Variants in SFSWAP observed in about 807,000 individuals in gnomAD.
SFSWAP encodes the protein splicing factor SWAP.
A neutral mutation model predicts 100.7 loss-of-function variants in SFSWAP; 17 were observed. That is an observed-to-expected ratio of 0.17 (90% CI 0.12 to 0.25). The LOEUF is 0.25. Ranked by LOEUF, SFSWAP falls within the 10% of genes least tolerant of loss-of-function variation. The probability of loss-of-function intolerance (pLI) is 1.00; values close to 1 mark genes in which losing one functional copy is unlikely to be tolerated. For synonymous variants in SFSWAP, 504 were observed against 510.1 expected (o/e 0.99, Z 0.16); for missense variants, 1,005 against 1,262.6 (o/e 0.80, Z 3.09).
rs1222968105 is a variant in SFSWAP at position 131,784,397 on chromosome 12, T to C, written c.2409-2066T>C. The stretch of plus-strand genomic sequence containing the variant: ...AGAGACGTGAATGGAGGAAGTGGAG[T>C]AGATGAAATGGTTAAATGTTGGAGA... On this transcript the variant is annotated intron_variant, in intron 14 of 17. Transcript: ENST00000261674. 2.0e-5 allele frequency: 3 copies of C among 152,146 alleles called. No homozygotes were observed. In the East Asian group the frequency reaches 5.8e-4, roughly 29 times the overall value. The allele number at this position is 152,146 out of a possible 1,614,324, so 9.4% of individuals were successfully genotyped here. A position where few individuals can be genotyped will look rare whatever the true frequency, so the allele number is the denominator to read the frequency against.
Position 131,714,482 on chromosome 12 carries a change from AAACTCTTT to A in SFSWAP, c.388+247_388+254del, listed in dbSNP as rs1415689114. 3 of 496,620 alleles carry A rather than the reference AAACTCTTT, an allele frequency of 6.0e-6. No homozygotes were observed. Among genetic ancestry groups the A allele is most frequent in the African/African-American group, 5.8e-5 (3 of 51,952 alleles). The allele number at this position is 496,620 out of a possible 1,614,324, so 30.8% of individuals were successfully genotyped here. ...CTGGGATTTGAAAAAAACAAAAACC[AAACTCTTT>A]AACTGTTCTTCTTTAACAGTATCGT... On this transcript the variant is annotated intron_variant, in intron 2 of 17. Transcript: ENST00000261674. This position sits in a 1 kb window ranked among gnomAD's most constrained non-coding sequence, Gnocchi z 6.0.
intron 13 of SFSWAP, among the ~76,000 whole-genome samples, chr12:131,776,320 G>T (rs1158824822): frequency 1.3e-5 from 2 of 152,084 alleles, no homozygotes; most frequent in South Asian, 4.1e-4. Context: ...CTGCCCTCTT[G>T]CCCGCCGCAC....
chr12:131,781,915 T>C (rs1373091199), intron 14 of SFSWAP, among the ~76,000 whole-genome samples: 2 of 152,350 alleles, frequency 1.3e-5, no homozygotes, highest in African/African-American at 2.4e-5. Flanking sequence ...CTTCCAGGTG[T>C]TGGATTGTCT....
rs776665425 is a variant in SFSWAP at position 131,778,343 on chromosome 12, G to T, written c.2408+13G>T. ...TGCGGCGGTCGAGGTGGGTGTGAAG[G>T]GGGCAGCACCTCTGGTACCCTCATG... On this transcript the variant is annotated intron_variant, in intron 14 of 17. Transcript: ENST00000261674. This position sits in a 1 kb window ranked among gnomAD's most constrained non-coding sequence, Gnocchi z 4.2. The T allele has an allele frequency of 3.1e-6, 5 of 1,608,368 alleles. No individual in the cohort carries two copies. The African/African-American group carries it at 4.0e-5, about 13-fold the overall frequency.
intron 7 of SFSWAP, among the ~76,000 whole-genome samples, chr12:131,732,102 G>A (rs1879571419): frequency 6.6e-6 from 1 of 151,702 alleles, no homozygotes; most frequent in Admixed American, 6.6e-5. Flanking sequence ...TAGAGACGGG[G>A]TTTCACCATG....
chr12:131,721,933 CATAATT>C (rs1878511528), intron 4 of SFSWAP, among the ~76,000 whole-genome samples: 1 of 152,194 alleles, frequency 6.6e-6, no homozygotes, highest in African/African-American at 2.4e-5. Flanking sequence ...ATTTCATTCT[CATAATT>C]ATTATGTGTT....
chr12:131,720,433 G>A (rs1878361109), intron 4 of SFSWAP, among the ~76,000 whole-genome samples: 1 of 152,160 alleles, frequency 6.6e-6, no homozygotes, highest in Non-Finnish European at 1.5e-5. Context: ...ATGTTTACTG[G>A]GAAGGTTGAA....
At chr12:131,717,748 T>G (rs1878062224) in intron 3 of SFSWAP, among the ~76,000 whole-genome samples, 1 of 152,238 alleles carries the variant, frequency 6.6e-6, no homozygotes, top group Non-Finnish European at 1.5e-5. Context: ...TTTACTTTTT[T>G]GAGACAGAGT....
Position 131,728,476 on chromosome 12 carries a change from C to T in SFSWAP, c.1081+48C>T, listed in dbSNP as rs989367914. 6.9e-6 allele frequency: 11 copies of T among 1,590,904 alleles called. No homozygotes were observed. In the African/African-American group the frequency reaches 1.5e-4, roughly 21 times the overall value. On this transcript the variant is annotated intron_variant, in intron 7 of 17. Transcript: ENST00000261674. ...CTGACCTGTGTTCAGCTGCCTGTGA[C>T]AGAGCCAGCTACAGGGCTCTAAACC...
Position 131,725,059 on chromosome 12 carries a change from G to A in SFSWAP, c.607-346G>A, listed in dbSNP as rs1202262483. On this transcript the variant is annotated intron_variant, in intron 4 of 17. Coordinates refer to ENST00000261674, the MANE Select transcript of SFSWAP (RefSeq NM_004592.4). The surrounding 1 kb of genome is among the most constrained non-coding windows in gnomAD (Gnocchi z 4.3). ...ATACCCTCTCCCTAGAAAAGTGCTT[G>A]TTTGTAAAATTCACATGCACAGAGG... 6.6e-6 allele frequency among the ~76,000 whole-genome samples: 1 copy of A among 152,178 alleles called. No individual in the cohort carries two copies. Among genetic ancestry groups the A allele is most frequent in the African/African-American group, 2.4e-5 (1 of 41,444 alleles).
rs955692315 is a variant in SFSWAP at position 131,794,768 on chromosome 12, C to T, written c.2535-2410C>T. Among the ~76,000 whole-genome samples the T allele has an allele frequency of 2.0e-5, 3 of 152,142 alleles. No homozygotes were observed. The highest frequency in any genetic ancestry group is 2.9e-5 in the Non-Finnish European group (2 of 68,032). On this transcript the variant is annotated intron_variant, in intron 15 of 17. Coordinates refer to ENST00000261674, the MANE Select transcript of SFSWAP (RefSeq NM_004592.4). The surrounding 1 kb of genome is among the most constrained non-coding windows in gnomAD (Gnocchi z 4.8). ...GGGTGTGCGCACTTGCCAAGCTCAGCGGCAGCACCGAGGACAGCGTTTCAC... is the reference window on the plus strand; with the variant it reads ...GGGTGTGCGCACTTGCCAAGCTCAGTGGCAGCACCGAGGACAGCGTTTCAC...
chr12:131,781,493 T>C (rs1289849101), intron 14 of SFSWAP, among the ~76,000 whole-genome samples: 1 of 152,182 alleles, frequency 6.6e-6, no homozygotes, highest in East Asian at 1.9e-4. Context: ...CGCCTCGGCC[T>C]CCCAAAGTGC....
chr12:131,752,858 A>G (rs1881783077), intron 7 of SFSWAP, among the ~76,000 whole-genome samples: 1 of 152,214 alleles, frequency 6.6e-6, no homozygotes, highest in South Asian at 2.1e-4. Context: ...TCTAGAGAGT[A>G]TTCATATCTG....
At chr12:131,773,000 C>T in intron 13 of SFSWAP, among the ~76,000 whole-genome samples, 1 of 152,202 alleles carries the variant, frequency 6.6e-6, no homozygotes, top group Non-Finnish European at 1.5e-5. Flanking sequence ...TTCCTCTCCT[C>T]TCTTTGCTCA....
At chr12:131,779,208 T>TGTGTATGAAGAGGGCGGTGCGGGTGAGC (rs71072791) in intron 14 of SFSWAP, among the ~76,000 whole-genome samples, 2 of 63,968 alleles carry the variant, frequency 3.1e-5, no homozygotes, top group Admixed American at 1.6e-4. Flanking sequence ...CGCGGATGAG[T>TGTGTATGAAGAGGGCGGTGCGGGTGAGC]GTGTGTGAAG....
rs201683541 is a variant in SFSWAP, at chr12:131,799,380, G to A, written c.2791-43G>A. 9.7e-4 allele frequency: 1,541 copies of A among 1,594,834 alleles called. 14 individuals carry two copies. The highest frequency in any genetic ancestry group is 8.4e-3 in the South Asian group (759 of 90,658). On this transcript the variant is annotated intron_variant, in intron 17 of 17. Coordinates refer to ENST00000261674, the MANE Select transcript of SFSWAP (RefSeq NM_004592.4). ...ATTTCTTCACCACGTGGGTTGTCTGGCCAGGTCTTCACAGGTTCTCCTCTG... is the reference window on the plus strand; with the variant it reads ...ATTTCTTCACCACGTGGGTTGTCTGACCAGGTCTTCACAGGTTCTCCTCTG...
rs71072785 is a variant in SFSWAP, at chr12:131,738,885, C to CTTTT, written c.1081+10478_1081+10481dup. ...TTCCAGTGCTGTAATGAACATTATT[C>CTTTT]TTTTTTTTTTTTTTTTTTTTTTTTG... is the stretch of plus-strand genomic sequence containing the variant. On this transcript the variant is annotated intron_variant, in intron 7 of 17. Coordinates refer to ENST00000261674, the MANE Select transcript of SFSWAP (RefSeq NM_004592.4). Among the ~76,000 whole-genome samples the CTTTT allele has an allele frequency of 6.1e-3, 299 of 48,724 alleles. 38 individuals carry two copies. The highest frequency in any genetic ancestry group is 0.015 in the African/African-American group (260 of 17,114). 32.0% of individuals were successfully genotyped at this position (48,724 alleles called of 152,430 possible).
At chr12:131,798,331 A>G (rs184905569) in intron 16 of SFSWAP, among the ~76,000 whole-genome samples, 581 of 152,242 alleles carry the variant, frequency 3.8e-3, no homozygotes, top group Non-Finnish European at 4.5e-3. Flanking sequence ...TAAAATGTAC[A>G]TCAGTGTAGG....
chr12:131,765,125 G>A (rs528252754), intron 12 of SFSWAP, among the ~76,000 whole-genome samples: 4 of 152,162 alleles, frequency 2.6e-5, no homozygotes, highest in Non-Finnish European at 5.9e-5. Flanking sequence ...CTGGTTTTCC[G>A]GCTGCGGCTC....
Sources: gnomAD v4.1 joint callset for allele counts (sites outside exome capture counted in the v4.1 genomes callset) on GRCh38, gnomAD v4.1.1 for gene constraint, Gnocchi (gnomAD v3.1) non-coding constraint, MANE v1.5 for transcripts, NCBI Gene and HGNC (gene_info 2026-07-23, HGNC 2026-07-21) for gene names.